GALNT18: variants seen among roughly 807,000 people sequenced by gnomAD.
GALNT18 encodes the protein polypeptide N-acetylgalactosaminyltransferase 18.
In GALNT18, 44 loss-of-function variants were observed where a neutral mutation model predicts 69.5. That is an observed-to-expected ratio of 0.63 (90% CI 0.50 to 0.81). The LOEUF is 0.81. GALNT18 is among the 40% of genes least tolerant of loss of function. The pLI is 0.00. For synonymous variants in GALNT18, 364 were observed against 318.2 expected (o/e 1.14, Z -1.53); for missense variants, 715 against 810.0 (o/e 0.88, Z 1.42).
intron 6 of GALNT18, among the ~76,000 whole-genome samples, chr11:11,357,980 C>T (rs1458431637): frequency 6.6e-6 from 1 of 152,200 alleles, no homozygotes; most frequent in Non-Finnish European, 1.5e-5. Context: ...TTCTGAAATG[C>T]TGCCTTTCCC....
rs763149782 is a variant in GALNT18 at position 11,347,043 on chromosome 11, T to C, written c.1093-6039A>G. On this transcript the variant is annotated intron_variant, in intron 6 of 10. Coordinates refer to ENST00000227756, the MANE Select transcript of GALNT18 (RefSeq NM_198516.3). This position sits in a 1 kb window ranked among gnomAD's most constrained non-coding sequence, Gnocchi z 4.0. The stretch of plus-strand genomic sequence containing the variant: ...GTTCTCAGGGAGGCTCAGATCACTT[T>C]CTTATCCCAGGCTGAGGAGCCACTG... Among the ~76,000 whole-genome samples, 1 of 152,140 alleles carries C rather than the reference T, an allele frequency of 6.6e-6. No homozygotes were observed. The highest frequency in any genetic ancestry group is 1.5e-5 in the Non-Finnish European group (1 of 68,022).
chr11:11,446,637 C>T (rs1855659294), intron 2 of GALNT18, among the ~76,000 whole-genome samples: 1 of 152,194 alleles, frequency 6.6e-6, no homozygotes, highest in African/African-American at 2.4e-5. Context: ...ATCTCAGCAC[C>T]TCCCCTGCTG....
intron 3 of GALNT18, among the ~76,000 whole-genome samples, chr11:11,397,283 G>C (rs901746021): frequency 5.3e-5 from 8 of 152,104 alleles, no homozygotes; most frequent in African/African-American, 1.9e-4. Flanking sequence ...GGGGAGGCCA[G>C]GTATTCACAG....
intron 1 of GALNT18, among the ~76,000 whole-genome samples, chr11:11,533,980 T>C (rs1219346402): frequency 2.6e-5 from 4 of 152,242 alleles, no homozygotes; most frequent in African/African-American, 9.6e-5. Context: ...CTAACATGGA[T>C]TGAGCTGTGT....
In GALNT18 at chr11:11,563,577, A is replaced by C. The variant is rs1327363948; in HGVS notation, c.235+57782T>G. 6.6e-6 allele frequency among the ~76,000 whole-genome samples: 1 copy of C among 152,212 alleles called. No homozygotes were observed. Among genetic ancestry groups the C allele is most frequent in the African/African-American group, 2.4e-5 (1 of 41,458 alleles). On this transcript the variant is annotated intron_variant, in intron 1 of 10. Coordinates refer to ENST00000227756, the MANE Select transcript of GALNT18 (RefSeq NM_198516.3). This position sits in a 1 kb window ranked among gnomAD's most constrained non-coding sequence, Gnocchi z 4.6. Reference sequence around the variant, plus strand: ...TGCAAACAGAGGGCTGTATCATCTCATCTGACTATCACTCCATCCTCATGT... The same window carrying C: ...TGCAAACAGAGGGCTGTATCATCTCCTCTGACTATCACTCCATCCTCATGT...
chr11:11,462,423 C>T (rs1856065779), intron 1 of GALNT18, among the ~76,000 whole-genome samples: 1 of 151,836 alleles, frequency 6.6e-6, no homozygotes, highest in Non-Finnish European at 1.5e-5. Context: ...GTTACAGGCT[C>T]CTGCCACCAC....
Position 11,415,231 on chromosome 11 carries a change from A to G in GALNT18, c.595+17390T>C, listed in dbSNP as rs1854828197. ...GTCAGGCCCAACCAACCGATTGGGG[A>G]CCTTAATTACGTCAGCCAATTCCCC... On this transcript the variant is annotated intron_variant, in intron 3 of 10. Transcript: ENST00000227756. The surrounding 1 kb of genome is among the most constrained non-coding windows in gnomAD (Gnocchi z 4.1). Among the ~76,000 whole-genome samples the G allele has an allele frequency of 6.6e-6, 1 of 152,148 alleles. No homozygotes were observed. The highest frequency in any genetic ancestry group is 6.5e-5 in the Admixed American group (1 of 15,274).
rs1261103445 is a variant in GALNT18, at chr11:11,598,257, A to G, written c.235+23102T>C. Among the ~76,000 whole-genome samples, 2 of 152,214 alleles carry G rather than the reference A, an allele frequency of 1.3e-5. No homozygotes were observed. The highest frequency in any genetic ancestry group is 4.8e-5 in the African/African-American group (2 of 41,452). On this transcript the variant is annotated intron_variant, in intron 1 of 10. Coordinates refer to ENST00000227756, the MANE Select transcript of GALNT18 (RefSeq NM_198516.3). The surrounding 1 kb of genome is among the most constrained non-coding windows in gnomAD (Gnocchi z 4.8). Reference sequence around the variant, plus strand: ...TAACTGTAATCTATAACAAATTATTATAAACCCAATGGCTTAAAACAACAG... The same window carrying G: ...TAACTGTAATCTATAACAAATTATTGTAAACCCAATGGCTTAAAACAACAG...
chr11:11,566,451 G>A (rs1228915326), intron 1 of GALNT18, among the ~76,000 whole-genome samples: 1 of 152,168 alleles, frequency 6.6e-6, no homozygotes, highest in Non-Finnish European at 1.5e-5. Flanking sequence ...CTATTGTATT[G>A]ACATTAATTC....
intron 10 of GALNT18, among the ~76,000 whole-genome samples, chr11:11,275,637 G>A (rs1347830680): frequency 1.3e-5 from 2 of 152,162 alleles, no homozygotes; most frequent in Non-Finnish European, 2.9e-5. Context: ...TACTGCCCAG[G>A]TTTTCTTCTA....
rs1371733589 is a variant in GALNT18 at position 11,404,191 on chromosome 11, T to G, written c.596-24927A>C. 6.6e-6 allele frequency among the ~76,000 whole-genome samples: 1 copy of G among 152,168 alleles called. No homozygotes were observed. The highest frequency in any genetic ancestry group is 1.5e-5 in the Non-Finnish European group (1 of 68,020). On this transcript the variant is annotated intron_variant, in intron 3 of 10. Coordinates refer to ENST00000227756, the MANE Select transcript of GALNT18 (RefSeq NM_198516.3). This position sits in a 1 kb window ranked among gnomAD's most constrained non-coding sequence, Gnocchi z 4.5. ...AGGAGTGAGTGTCTAGGGGAGTTCA[T>G]GCGTGCACGGCATGGAGCCAATTAT...
chr11:11,317,997 G>T (rs1445002894), intron 9 of GALNT18, among the ~76,000 whole-genome samples: 1 of 152,152 alleles, frequency 6.6e-6, no homozygotes, highest in Non-Finnish European at 1.5e-5. Flanking sequence ...TTATTTGTCA[G>T]AGATGACATT....
intron 6 of GALNT18, among the ~76,000 whole-genome samples, chr11:11,345,074 G>A (rs1299302281): frequency 6.6e-6 from 1 of 152,160 alleles, no homozygotes; most frequent in Admixed American, 6.5e-5. Flanking sequence ...ACAGAAGACA[G>A]GGTTCTTCCC....
chr11:11,534,510 T>A (rs900390576), intron 1 of GALNT18, among the ~76,000 whole-genome samples: 1 of 152,202 alleles, frequency 6.6e-6, no homozygotes, highest in Non-Finnish European at 1.5e-5. Flanking sequence ...AACACAGTCT[T>A]GTCCTCAAGA....
At chr11:11,456,222 T>A (rs1218315012) in intron 1 of GALNT18, among the ~76,000 whole-genome samples, 1 of 152,138 alleles carries the variant, frequency 6.6e-6, no homozygotes, top group Non-Finnish European at 1.5e-5. Context: ...CACCTACCTC[T>A]CCTAGAATGT....
intron 1 of GALNT18, among the ~76,000 whole-genome samples, chr11:11,545,256 C>T (rs183311896): frequency 2.3e-3 from 355 of 152,338 alleles, no homozygotes; most frequent in Non-Finnish European, 4.0e-3. Context: ...TCTTTGAATG[C>T]GCTTTCATAA....
At chr11:11,351,766 T>C (rs1850409359) in intron 6 of GALNT18, among the ~76,000 whole-genome samples, 2 of 151,690 alleles carry the variant, frequency 1.3e-5, no homozygotes, top group South Asian at 4.2e-4. Context: ...ATTTTCTTTT[T>C]TTTTTTTTTC....
Position 11,293,047 on chromosome 11 carries a change from A to T in GALNT18, c.1659T>A (p.Leu553=). The part of the protein sequence containing the change: ...CSYAKAKRMK[L]HWQFSQGGPI... The stretch of plus-strand genomic sequence containing the variant: ...CTGTTACCTGAGAGAACTGCCAGTG[A>T]AGCTTCATCCTCTTGGCTTTGGCGT... Residue 553 remains leucine (L), a synonymous_variant, in exon 10 of 11, where the codon CTT becomes CTA. Transcript: ENST00000227756. 1 of 1,385,346 alleles carries T rather than the reference A, an allele frequency of 7.2e-7. No individual in the cohort carries two copies. The highest frequency in any genetic ancestry group is 1.9e-5 in the South Asian group (1 of 51,560). The allele number at this position is 1,385,346 out of a possible 1,614,324, so 85.8% of individuals were successfully genotyped here.
intron 1 of GALNT18, among the ~76,000 whole-genome samples, chr11:11,579,989 A>G (rs1859036153): frequency 6.6e-6 from 1 of 152,214 alleles, no homozygotes; most frequent in African/African-American, 2.4e-5. Context: ...GTGGCTTCCT[A>G]GAGGATGAGA....
Sources: gnomAD v4.1 joint callset for allele counts (sites outside exome capture counted in the v4.1 genomes callset) on GRCh38, gnomAD v4.1.1 for gene constraint, Gnocchi (gnomAD v3.1) non-coding constraint, MANE v1.5 for transcripts, NCBI Gene and HGNC (gene_info 2026-07-23, HGNC 2026-07-21) for gene names.